The following PCNX2 variants were observed in gnomAD, a reference collection of about 807,000 sequenced individuals.
The protein encoded by PCNX2 is pecanex 2.
Under a neutral mutation model 223.8 loss-of-function variants are expected in PCNX2, and 168 were observed. The observed-to-expected ratio is 0.75, with a 90% CI of 0.66 to 0.85. The LOEUF (loss-of-function observed/expected upper bound fraction) is 0.85, where lower values mean the gene tolerates loss of function less well. PCNX2 is among the 40% of genes least tolerant of loss of function. The pLI is 0.00. For missense variants in PCNX2, 2,507 were observed against 2,675.5 expected, an observed-to-expected ratio of 0.94 and a Z score of 1.39; for synonymous variants, 1,006 against 1,052.6, an observed-to-expected ratio of 0.96 and a Z score of 0.86.
rs752207804 is a variant in PCNX2 at position 232,998,359 on chromosome 1, C to A, written c.5683G>T (p.Gly1895Cys). 4.3e-6 allele frequency: 7 copies of A among 1,613,262 alleles called. No homozygotes were observed. The Admixed American group carries it at 1.2e-4, about 27-fold the overall frequency. The change falls in exon 32 of 34, where the codon GGT (glycine) becomes TGT (cysteine). Residue 1895 changes from glycine to cysteine, a missense_variant. By Grantham distance (159) the Gly-to-Cys change is radical. This residue lies in a region of PCNX2 where 1,372 missense variants were observed against 1,509.4 expected (regional missense o/e 0.91). Transcript: ENST00000258229. ...CCACCACTCGGGGCATTGTTGCCAC[C>A]TGTCGTCGGGGCCCCTCCTCCGTCC... Reference protein sequence around the residue: ...DVDGGGAPTTGGNNAPSGGSQ... With the variant: ...DVDGGGAPTTCGNNAPSGGSQ...
chr1:233,054,692 C>A, intron 24 of PCNX2: 2 of 509,166 alleles, frequency 3.9e-6, no homozygotes, highest in Non-Finnish European at 6.9e-6. Flanking sequence ...AATTTATAGG[C>A]CATAAGCAGC....
At chr1:233,142,824 G>GA (rs982291335) in intron 19 of PCNX2, among the ~76,000 whole-genome samples, 1 of 151,940 alleles carries the variant, frequency 6.6e-6, no homozygotes, top group African/African-American at 2.4e-5. Context: ...CCCTCCTTTT[G>GA]AAAACTCACT....
intron 23 of PCNX2, among the ~76,000 whole-genome samples, chr1:233,061,767 T>C (rs1018768285): frequency 4.6e-5 from 7 of 152,012 alleles, no homozygotes; most frequent in African/African-American, 1.7e-4. Flanking sequence ...TATTTGTTTT[T>C]GTTTTTTTTG....
chr1:233,189,951 C>T (rs1680323703), intron 15 of PCNX2, among the ~76,000 whole-genome samples: 1 of 152,112 alleles, frequency 6.6e-6, no homozygotes, highest in African/African-American at 2.4e-5. Flanking sequence ...TTATATGTTA[C>T]TTGGTACCAT....
At chr1:233,096,785 TAA>T (rs1348233718) in intron 21 of PCNX2, among the ~76,000 whole-genome samples, 3 of 152,178 alleles carry the variant, frequency 2.0e-5, no homozygotes, top group Non-Finnish European at 4.4e-5. Flanking sequence ...AGCCATTATA[TAA>T]AACAGAAGGT....
chr1:233,123,709 T>C (rs917367746), intron 21 of PCNX2, among the ~76,000 whole-genome samples: 1 of 152,190 alleles, frequency 6.6e-6, no homozygotes, highest in Admixed American at 6.5e-5. Flanking sequence ...GTTGTGGACC[T>C]AGATATGAAT....
chr1:233,057,221 G>A lies in PCNX2; in HGVS notation c.4135+11C>T, dbSNP rs1299894480. On this transcript the variant is annotated intron_variant, in intron 24 of 33. Coordinates refer to ENST00000258229, the MANE Select transcript of PCNX2 (RefSeq NM_014801.4). Reference sequence around the variant, plus strand: ...ATAAATAGTTGAAAAAGAGAGAAGAGATCTTCTTACCTGGATCTCTTTCAA... The same window carrying A: ...ATAAATAGTTGAAAAAGAGAGAAGAAATCTTCTTACCTGGATCTCTTTCAA... 1.3e-5 allele frequency: 20 copies of A among 1,581,188 alleles called. No individual in the cohort carries two copies. The highest frequency in any genetic ancestry group is 1.7e-5 in the Non-Finnish European group (20 of 1,153,582).
chr1:233,204,743 G>A (rs1681346969), intron 13 of PCNX2, among the ~76,000 whole-genome samples: 1 of 152,138 alleles, frequency 6.6e-6, no homozygotes, highest in African/African-American at 2.4e-5. Context: ...ATTCCATAGG[G>A]ATTGCTATTG....
rs1386391048 is a variant in PCNX2, at chr1:233,198,838, C to T, written c.3066+101G>A. 5 of 1,168,002 alleles carry T rather than the reference C, an allele frequency of 4.3e-6. No homozygotes were observed. In the East Asian group the frequency reaches 1.3e-4, roughly 30 times the overall value. The allele number at this position is 1,168,002 out of a possible 1,614,324, so 72.4% of individuals were successfully genotyped here. A position where few individuals can be genotyped will look rare whatever the true frequency, so the allele number is the denominator to read the frequency against. ...CAGTCACTCCCTGATTTGCACAGAT[C>T]CGATTTCTCTTGTAATTTTGGAAAA... On this transcript the variant is annotated intron_variant, in intron 15 of 33. Transcript: ENST00000258229.
chr1:233,182,914 T>C (rs564075144), intron 15 of PCNX2, among the ~76,000 whole-genome samples: 2 of 152,232 alleles, frequency 1.3e-5, no homozygotes, highest in Admixed American at 6.5e-5. Context: ...TGTCTCTTTT[T>C]TTTTCAGGGG....
chr1:233,156,239 A>G (rs1180173281), intron 19 of PCNX2, among the ~76,000 whole-genome samples: 4 of 152,224 alleles, frequency 2.6e-5, no homozygotes, highest in Non-Finnish European at 5.9e-5. Context: ...TATAATATCT[A>G]TTTCCATTTA....
At chr1:233,255,408 A>T (rs1211907097) in intron 5 of PCNX2, among the ~76,000 whole-genome samples, 1 of 152,150 alleles carries the variant, frequency 6.6e-6, no homozygotes, top group Non-Finnish European at 1.5e-5. Context: ...TTCTCATTCA[A>T]GTTGCCTTTA....
intron 25 of PCNX2, among the ~76,000 whole-genome samples, chr1:233,031,189 T>C (rs1264564553): frequency 3.9e-5 from 6 of 152,256 alleles, no homozygotes; most frequent in Non-Finnish European, 5.9e-5. Flanking sequence ...TAATTGTTTA[T>C]GATAGTAAGA....
At chr1:233,057,745 TC>T in intron 23 of PCNX2, 3 of 311,370 alleles carry the variant, frequency 9.6e-6, no homozygotes, top group Non-Finnish European at 1.4e-5. Flanking sequence ...GGTGGCACAC[TC>T]CTATAATCTC....
At chr1:233,208,050 G>T (rs1305301859) in intron 13 of PCNX2, among the ~76,000 whole-genome samples, 1 of 152,050 alleles carries the variant, frequency 6.6e-6, no homozygotes, top group Non-Finnish European at 1.5e-5. Context: ...CTGCCTCCCG[G>T]GTTCAAGCAA....
intron 31 of PCNX2, 94 bp from the exon 32 acceptor site, chr1:232,998,532 G>C: frequency 7.1e-7 from 1 of 1,415,400 alleles, no homozygotes; most frequent in South Asian, 1.3e-5. Context: ...CGGGATCGAA[G>C]AGCGTGCTCT....
At chr1:233,118,378 T>A (rs981148854) in intron 21 of PCNX2, among the ~76,000 whole-genome samples, 1 of 150,806 alleles carries the variant, frequency 6.6e-6, no homozygotes, top group Non-Finnish European at 1.5e-5. Context: ...TGTTAGCTAG[T>A]GCAATAAGAC....
chr1:233,187,167 C>T (rs1336888100), intron 15 of PCNX2, among the ~76,000 whole-genome samples: 3 of 152,324 alleles, frequency 2.0e-5, no homozygotes, highest in South Asian at 2.1e-4. Flanking sequence ...TTAACATTCA[C>T]GACCACACGT....
At chr1:233,229,654 A>C (rs1250924166) in intron 9 of PCNX2, among the ~76,000 whole-genome samples, 1 of 152,214 alleles carries the variant, frequency 6.6e-6, no homozygotes, top group Non-Finnish European at 1.5e-5. Flanking sequence ...GCCTTCTTAA[A>C]GCGGGGTTTC....
Sources: allele counts gnomAD v4.1 joint callset (sites outside exome capture counted in the v4.1 genomes callset), GRCh38; gene constraint gnomAD v4.1.1; regional missense constraint gnomAD v4.1.1; transcripts MANE v1.5; gene names NCBI Gene and HGNC (gene_info 2026-07-23, HGNC 2026-07-21).